Variants in RAPGEF6 observed in about 807,000 individuals in gnomAD.
RAPGEF6 encodes PDZ domain containing guanine nucleotide exchange factor (GEF) 2.
In RAPGEF6, 56 loss-of-function variants were observed where a neutral mutation model predicts 171.4. That is an observed-to-expected ratio of 0.33 (90% CI 0.26 to 0.41). RAPGEF6 has a LOEUF of 0.41. Ranked by LOEUF, RAPGEF6 falls within the 10% of genes least tolerant of loss-of-function variation. The pLI is 1.00. For missense variants in RAPGEF6, 1,674 were observed against 1,921.4 expected (o/e 0.87, Z 2.41); for synonymous variants, 692 against 650.1 (o/e 1.06, Z -0.98).
At chr5:131,446,389 G>A in intron 22 of RAPGEF6, 94 bp downstream of exon 22, 1 of 1,218,778 alleles carries the variant, frequency 8.2e-7, no homozygotes, top group South Asian at 1.5e-5. Context: ...GTGAGTGAAA[G>A]TTAATTTTCT....
intron 20 of RAPGEF6, among the ~76,000 whole-genome samples, chr5:131,453,813 C>T (rs1753283426): frequency 6.6e-6 from 1 of 152,124 alleles, no homozygotes; most frequent in African/African-American, 2.4e-5. Context: ...AGGGTCTCAA[C>T]ACAAGCTGGA....
At chr5:131,528,659 T>C (rs1759154695) in intron 6 of RAPGEF6, among the ~76,000 whole-genome samples, 1 of 152,100 alleles carries the variant, frequency 6.6e-6, no homozygotes, top group Non-Finnish European at 1.5e-5. Context: ...CATTTTTTAA[T>C]GGTGAGTTTA....
chr5:131,557,070 T>C (rs527334725), intron 5 of RAPGEF6, among the ~76,000 whole-genome samples: 1 of 152,282 alleles, frequency 6.6e-6, no homozygotes, highest in African/African-American at 2.4e-5. Context: ...ACACCCAGCT[T>C]AAGTACTTCT....
intron 3 of RAPGEF6, 90 bp from the exon 4 acceptor site, chr5:131,592,556 TA>T (rs147304515): frequency 0.044 from 65,875 of 1,489,700 alleles, 1,700 homozygotes; most frequent in Non-Finnish European, 0.05. Context: ...CTGATAATAG[TA>T]CAAATAATTA....
intron 1 of RAPGEF6, among the ~76,000 whole-genome samples, chr5:131,625,277 C>A (rs1417036384): frequency 6.6e-6 from 1 of 151,948 alleles, no homozygotes; most frequent in Non-Finnish European, 1.5e-5. Context: ...AACAAACAAA[C>A]AAACAAAACA....
chr5:131,494,950 C>T (rs568704403), intron 13 of RAPGEF6, among the ~76,000 whole-genome samples: 1 of 152,208 alleles, frequency 6.6e-6, no homozygotes, highest in African/African-American at 2.4e-5. Flanking sequence ...ACATATAACA[C>T]CAGGTTTATA....
rs78593040 is a variant in RAPGEF6 at position 131,531,225 on chromosome 5, C to G, written c.496-9704G>C. On this transcript the variant is annotated intron_variant, in intron 6 of 27. Transcript: ENST00000509018. ...AACAAAGACATGATTTCAGACCATA[C>G]TAAGAAGTGCCTCTATTGTGCCTGT... is the stretch of plus-strand genomic sequence containing the variant. 1.8e-4 allele frequency among the ~76,000 whole-genome samples: 28 copies of G among 152,276 alleles called. No homozygotes were observed. In the East Asian group the frequency reaches 5.2e-3, roughly 28 times the overall value.
intron 1 of RAPGEF6, 26 bp downstream of exon 1, chr5:131,634,936 C>T: frequency 6.2e-7 from 1 of 1,613,552 alleles, no homozygotes; most frequent in Non-Finnish European, 8.5e-7. Context: ...GACTGTGAGA[C>T]GCACATAAAG....
chr5:131,595,295 T>TC (rs58050141), intron 3 of RAPGEF6, among the ~76,000 whole-genome samples: 152,265 of 152,266 alleles, frequency 1, 76,132 homozygotes, highest in Non-Finnish European at 1. Context: ...TGTCTCCTGC[T>TC]CACCGTGGTA....
At chr5:131,497,579 A>G (rs1052292718) in intron 12 of RAPGEF6, among the ~76,000 whole-genome samples, 1 of 152,216 alleles carries the variant, frequency 6.6e-6, no homozygotes, top group Admixed American at 6.5e-5. Flanking sequence ...ATGGATAATT[A>G]TCACTAAATC....
chr5:131,439,644 T>A lies in RAPGEF6; in HGVS notation c.3682A>T (p.Ile1228Phe). Residue 1228 changes from isoleucine to phenylalanine, a missense_variant, in exon 24 of 28, where the codon ATT becomes TTT. By Grantham distance (21) the Ile-to-Phe change is conservative. Around this residue, in one of 3 missense-constraint regions of RAPGEF6, gnomAD observed 552 missense variants for 574.2 expected, o/e 0.96. Transcript: ENST00000509018. ...GAATGTAAAGATGACGCCACAGAAA[T>A]AGTGTCTTCTGTATGCTTCTTACCA... ...ISGKKHTEDTISVASSLHSSP... is the reference protein window; with the variant it reads ...ISGKKHTEDTFSVASSLHSSP... 1 of 1,612,920 alleles carries A rather than the reference T, an allele frequency of 6.2e-7. No homozygotes were observed. Among genetic ancestry groups the A allele is most frequent in the Non-Finnish European group, 8.5e-7 (1 of 1,179,398 alleles).
intron 4 of RAPGEF6, among the ~76,000 whole-genome samples, chr5:131,570,459 A>C (rs944916790): frequency 1.3e-5 from 2 of 152,192 alleles, no homozygotes; most frequent in Non-Finnish European, 2.9e-5. Flanking sequence ...GCATATCTAT[A>C]ATAAAGAAGT....
intron 1 of RAPGEF6, among the ~76,000 whole-genome samples, chr5:131,616,181 CAGTAGTTTTTATAGCGA>C (rs546589711): frequency 6.6e-6 from 1 of 152,212 alleles, no homozygotes; most frequent in Admixed American, 6.5e-5. Flanking sequence ...CCCTCTCAGC[CAGTAGTTTTTATAGCGA>C]AGGTGGGATA....
At chr5:131,496,130 C>A (rs765409717) in intron 12 of RAPGEF6, among the ~76,000 whole-genome samples, 3 of 152,026 alleles carry the variant, frequency 2.0e-5, no homozygotes, top group Non-Finnish European at 2.9e-5. Context: ...TCCCTTGAGT[C>A]CAGGAGTTTG....
intron 7 of RAPGEF6, among the ~76,000 whole-genome samples, chr5:131,516,771 C>A (rs1176307543): frequency 6.6e-6 from 1 of 152,180 alleles, no homozygotes; most frequent in East Asian, 1.9e-4. Flanking sequence ...ACTCTTACAC[C>A]TTAATGTATA....
intron 15 of RAPGEF6, among the ~76,000 whole-genome samples, chr5:131,487,627 G>T (rs936856613): frequency 8.5e-5 from 13 of 152,132 alleles, no homozygotes; most frequent in African/African-American, 3.1e-4. Context: ...GCGCTGATTG[G>T]TGTGTTTTTA....
chr5:131,565,685 C>T (rs1761887317), intron 4 of RAPGEF6, among the ~76,000 whole-genome samples: 1 of 151,920 alleles, frequency 6.6e-6, no homozygotes, highest in Admixed American at 6.6e-5. Context: ...AAAAGGAGAC[C>T]CATAAATACA....
chr5:131,604,887 T>A (rs1183413691), intron 1 of RAPGEF6, among the ~76,000 whole-genome samples, 194 bp from the exon 2 acceptor site: 1 of 152,208 alleles, frequency 6.6e-6, no homozygotes, highest in African/African-American at 2.4e-5. Context: ...AAGGAACTCC[T>A]CTTCAACGTG....
At chr5:131,518,717 CTTCT>C (rs1758269512) in intron 7 of RAPGEF6, among the ~76,000 whole-genome samples, 1 of 151,966 alleles carries the variant, frequency 6.6e-6, no homozygotes. Context: ...AAATTTTTAT[CTTCT>C]TTGACTACTC....
Sources: gnomAD v4.1 joint callset for allele counts (sites outside exome capture counted in the v4.1 genomes callset) on GRCh38, gnomAD v4.1.1 for gene constraint, gnomAD v4.1.1 regional missense constraint, MANE v1.5 for transcripts, NCBI Gene and HGNC (gene_info 2026-07-23, HGNC 2026-07-21) for gene names.